RAB11A: variants seen among roughly 807,000 people sequenced by gnomAD.
RAB11A encodes the protein ras-related protein Rab-11A.
A neutral mutation model predicts 28.0 loss-of-function variants in RAB11A; 9 were observed. That is an observed-to-expected ratio of 0.32 (90% confidence interval 0.19 to 0.56). RAB11A has a LOEUF of 0.56. RAB11A is among the 20% of genes least tolerant of loss of function. The pLI, the probability that RAB11A is intolerant of heterozygous loss-of-function variation, is 0.91. For missense variants in RAB11A, 108 were observed against 269.6 expected (o/e 0.40, Z 4.20); for synonymous variants, 85 against 88.2 (o/e 0.96, Z 0.20).
At position 65,877,115 on chromosome 15, in the gene RAB11A, G is replaced by A. The variant is rs180875869; in HGVS notation, c.41-217G>A. ...CAGATGATATGTGGAAGTCATGCAGGTAGAAACAGGTTGAAAAGAATAAAT... is the reference window on the plus strand; with the variant it reads ...CAGATGATATGTGGAAGTCATGCAGATAGAAACAGGTTGAAAAGAATAAAT... On this transcript the variant is annotated intron_variant, in intron 1 of 4. Coordinates refer to ENST00000261890, the MANE Select transcript of RAB11A (RefSeq NM_004663.5). The surrounding 1 kb of genome is among the most constrained non-coding windows in gnomAD (Gnocchi z 4.1). Among the ~76,000 whole-genome samples the A allele has an allele frequency of 5.4e-4, 82 of 152,348 alleles. No homozygotes were observed. Among genetic ancestry groups the A allele is most frequent in the African/African-American group, 1.9e-3 (81 of 41,582 alleles).
chr15:65,887,971 G>A lies in RAB11A; in HGVS notation c.*131G>A. 9.9e-7 allele frequency: 1 copy of A among 1,009,670 alleles called. No homozygotes were observed. The highest frequency in any genetic ancestry group is 1.3e-6 in the Non-Finnish European group (1 of 752,686). The allele number at this position is 1,009,670 out of a possible 1,614,324, so 62.5% of individuals were successfully genotyped here. ...ACTTATGAATTTTTCCATGTCCTAA[G>A]TCTTTTGATTTTAGCTTTATAAAAT... On this transcript the variant is annotated 3_prime_UTR_variant, in exon 5 of 5. Coordinates refer to ENST00000261890, the MANE Select transcript of RAB11A (RefSeq NM_004663.5).
chr15:65,871,648 C>T (rs879704110), intron 1 of RAB11A, among the ~76,000 whole-genome samples: 39 of 152,264 alleles, frequency 2.6e-4, no homozygotes, highest in Middle Eastern at 3.4e-3. Flanking sequence ...AGTATTTTAA[C>T]TTTTTGATTA....
At chr15:65,870,656 G>A (rs1041537096) in intron 1 of RAB11A, among the ~76,000 whole-genome samples, 1 of 152,208 alleles carries the variant, frequency 6.6e-6, no homozygotes, top group African/African-American at 2.4e-5. Flanking sequence ...CTGCTGCAAC[G>A]CTGGGAGGAT....
At chr15:65,873,699 G>A (rs1400292960) in intron 1 of RAB11A, among the ~76,000 whole-genome samples, 1 of 151,442 alleles carries the variant, frequency 6.6e-6, no homozygotes, top group Non-Finnish European at 1.5e-5. Flanking sequence ...AACTACAAAT[G>A]TGCTCCACCA....
In RAB11A at chr15:65,888,635, C is replaced by A. The variant is rs1010930419; in HGVS notation, c.*795C>A. On this transcript the variant is annotated 3_prime_UTR_variant, in exon 5 of 5. Transcript: ENST00000261890. ...TAAATGATCTATAATAATTTCCAAG[C>A]GGTAGATTATGTGGCATTTTATTGC... 2 of 152,150 alleles carry A rather than the reference C, an allele frequency of 1.3e-5. No homozygotes were observed. The highest frequency in any genetic ancestry group is 2.4e-5 in the African/African-American group (1 of 41,278). The allele number at this position is 152,150 out of a possible 1,614,324, so 9.4% of individuals were successfully genotyped here.
chr15:65,875,151 C>T (rs1355090550), intron 1 of RAB11A, among the ~76,000 whole-genome samples: 2 of 152,196 alleles, frequency 1.3e-5, no homozygotes, highest in Non-Finnish European at 2.9e-5. Context: ...AGGCTCACCA[C>T]AACCTCTGCC....
In RAB11A at chr15:65,879,770, G is replaced by C. The variant is rs368710927; in HGVS notation, c.511+19G>C. 1.5e-4 allele frequency: 220 copies of C among 1,505,286 alleles called. 1 individual carries two copies. Among genetic ancestry groups the C allele is most frequent in the Admixed American group, 8.0e-4 (46 of 57,354 alleles). The allele number at this position is 1,505,286 out of a possible 1,614,324, so 93.2% of individuals were successfully genotyped here. On this transcript the variant is annotated intron_variant, in intron 4 of 4. Coordinates refer to ENST00000261890, the MANE Select transcript of RAB11A (RefSeq NM_004663.5). The stretch of plus-strand genomic sequence containing the variant: ...TTAACAGGTAAGACTTGTATTTTCA[G>C]ATTACACCAGTAGGACTAGAAGTTT...
Position 65,891,430 on chromosome 15 carries a change from T to C in RAB11A, c.*3590T>C, listed in dbSNP as rs1223443314. 1 of 152,204 alleles carries C rather than the reference T, an allele frequency of 6.6e-6. No homozygotes were observed. The highest frequency in any genetic ancestry group is 1.5e-5 in the Non-Finnish European group (1 of 68,040). 9.4% of individuals were successfully genotyped at this position (152,204 alleles called of 1,614,324 possible). On this transcript the variant is annotated 3_prime_UTR_variant, in exon 5 of 5. Transcript: ENST00000261890. ...ATTAGAAAATACGGTAAACTGTGGG[T>C]TAGAAGAGTGAAAGTAGCTGGTATG...
intron 1 of RAB11A, among the ~76,000 whole-genome samples, chr15:65,874,023 G>A (rs759712926): frequency 6.6e-5 from 10 of 152,198 alleles, no homozygotes; most frequent in Non-Finnish European, 1.3e-4. Flanking sequence ...AACTTTTAGG[G>A]TTGAGGTACT....
At chr15:65,871,019 A>G (rs2078157519) in intron 1 of RAB11A, among the ~76,000 whole-genome samples, 1 of 152,168 alleles carries the variant, frequency 6.6e-6, no homozygotes, top group African/African-American at 2.4e-5. Context: ...GTGCCGAACA[A>G]AGATCATTAC....
At position 65,869,559 on chromosome 15, in the gene RAB11A, C is replaced by G. The variant is rs1183083637; in HGVS notation, c.-27C>G. Reference sequence around the variant, plus strand: ...TGGTCCCACAGATACCACTGCTGCTCCCGCCCTTTCGCTCCTCGGCCGCGC... The same window carrying G: ...TGGTCCCACAGATACCACTGCTGCTGCCGCCCTTTCGCTCCTCGGCCGCGC... On this transcript the variant is annotated 5_prime_UTR_variant, in exon 1 of 5. Coordinates refer to ENST00000261890, the MANE Select transcript of RAB11A (RefSeq NM_004663.5). 1.2e-6 allele frequency: 2 copies of G among 1,608,618 alleles called. No individual in the cohort carries two copies. Among genetic ancestry groups the G allele is most frequent in the Non-Finnish European group, 1.7e-6 (2 of 1,179,298 alleles).
In RAB11A at chr15:65,877,577, A is replaced by G; in HGVS notation, c.236+50A>G. The G allele has an allele frequency of 1.3e-6, 2 of 1,538,742 alleles. No homozygotes were observed. Among genetic ancestry groups the G allele is most frequent in the Non-Finnish European group, 1.8e-6 (2 of 1,132,052 alleles). ...TGTGAAATGGGTTGCCATCGAGTGA[A>G]TTAGCTGACTTTTGGTATTGGAAAA... On this transcript the variant is annotated intron_variant, in intron 2 of 4. Coordinates refer to ENST00000261890, the MANE Select transcript of RAB11A (RefSeq NM_004663.5). This position sits in a 1 kb window ranked among gnomAD's most constrained non-coding sequence, Gnocchi z 4.1.
In RAB11A at chr15:65,875,212, A is replaced by G. The variant is rs554477496; in HGVS notation, c.41-2120A>G. On this transcript the variant is annotated intron_variant, in intron 1 of 4. Coordinates refer to ENST00000261890, the MANE Select transcript of RAB11A (RefSeq NM_004663.5). ...CTCAGCCTCCTGAGTAGTTGGGACT[A>G]CAGGCATGCACCACCGTGCCTGTCT... Among the ~76,000 whole-genome samples the G allele has an allele frequency of 4.6e-5, 7 of 152,244 alleles. No individual in the cohort carries two copies. In the South Asian group the frequency reaches 1.5e-3, roughly 32 times the overall value.
At chr15:65,879,875 A>G in intron 4 of RAB11A, 124 bp downstream of exon 4, 2 of 716,792 alleles carry the variant, frequency 2.8e-6, no homozygotes, top group East Asian at 3.0e-5. Flanking sequence ...GAGCTACTCT[A>G]GCAAAAGCTG....
In RAB11A at chr15:65,887,326, A is replaced by G. The variant is rs1012079118; in HGVS notation, c.512-375A>G. Among the ~76,000 whole-genome samples the G allele has an allele frequency of 2.0e-5, 3 of 152,168 alleles. No individual in the cohort carries two copies. The South Asian group carries it at 6.2e-4, about 32-fold the overall frequency. ...GTAGCTGGGATTACAGGCACCCACC[A>G]TCATGCTTGGCTAATTTTTGTATTT... On this transcript the variant is annotated intron_variant, in intron 4 of 4. Transcript: ENST00000261890.
In RAB11A at chr15:65,877,200, T is replaced by A. The variant is rs912902373; in HGVS notation, c.41-132T>A. ...CTGTTCAACCCCCTACCCCCATTCC[T>A]TTTTAAAAGTCATATACCTTATTTT... On this transcript the variant is annotated intron_variant, in intron 1 of 4. Transcript: ENST00000261890. The surrounding 1 kb of genome is among the most constrained non-coding windows in gnomAD (Gnocchi z 4.1). 4.1e-6 allele frequency: 3 copies of A among 734,746 alleles called. No individual in the cohort carries two copies. Among genetic ancestry groups the A allele is most frequent in the African/African-American group, 1.8e-5 (1 of 56,114 alleles). 45.5% of individuals were successfully genotyped at this position (734,746 alleles called of 1,614,324 possible).
rs1173106660 is a variant in RAB11A, at chr15:65,885,129, TAC to T, written c.512-2570_512-2569del. ...TCGTATCCAAGAAATTTAACATTTA[TAC>T]AGTTTTTTTTTTTTTTTTTTGAGAC... On this transcript the variant is annotated intron_variant, in intron 4 of 4. Transcript: ENST00000261890. Among the ~76,000 whole-genome samples the T allele has an allele frequency of 4.8e-5, 7 of 144,670 alleles. No individual in the cohort carries two copies. In the Admixed American group the frequency reaches 4.9e-4, roughly 10 times the overall value. The allele number at this position is 144,670 out of a possible 152,430, so 94.9% of individuals were successfully genotyped here.
chr15:65,884,081 G>GTT (rs538261964), intron 4 of RAB11A, among the ~76,000 whole-genome samples: 69 of 151,742 alleles, frequency 4.5e-4, no homozygotes, highest in African/African-American at 1.5e-3. Context: ...GGTTGACAGT[G>GTT]GTTCAAATGT....
intron 3 of RAB11A, 29 bp from the exon 4 acceptor site, chr15:65,879,639 TAAC>T (rs1239401274): frequency 1.3e-6 from 2 of 1,511,908 alleles, no homozygotes; most frequent in Admixed American, 3.5e-5. Context: ...TTTTAAAACT[TAAC>T]AAGACTGAAC....
Sources: gnomAD v4.1 joint callset for allele counts (sites outside exome capture counted in the v4.1 genomes callset) on GRCh38, gnomAD v4.1.1 for gene constraint, Gnocchi (gnomAD v3.1) non-coding constraint, MANE v1.5 for transcripts, NCBI Gene and HGNC (gene_info 2026-07-23, HGNC 2026-07-21) for gene names.